The following MAMDC2 variants were observed in gnomAD, a reference collection of about 807,000 sequenced individuals.
MAMDC2 encodes the protein MAM domain containing 2.
In MAMDC2, 57 loss-of-function variants were observed where a neutral mutation model predicts 89.8. The observed-to-expected ratio is 0.63, with a 90% CI of 0.51 to 0.79. The LOEUF (loss-of-function observed/expected upper bound fraction) is 0.79. Ranked by LOEUF, MAMDC2 falls within the 30% of genes least tolerant of loss-of-function variation. The pLI is 0.00. For synonymous variants in MAMDC2, 313 were observed against 293.4 expected, an observed-to-expected ratio of 1.07 and a Z score of -0.68; for missense variants, 800 against 820.6, an observed-to-expected ratio of 0.97 and a Z score of 0.31.
At chr9:70,130,071 C>A (rs1350502120) in intron 6 of MAMDC2, among the ~76,000 whole-genome samples, 2 of 148,554 alleles carry the variant, frequency 1.3e-5, no homozygotes, top group Non-Finnish European at 1.5e-5. Context: ...CAAATTTCTC[C>A]TTTTTATAAG....
chr9:70,150,331 G>C (rs572118110), intron 9 of MAMDC2, among the ~76,000 whole-genome samples: 14 of 152,310 alleles, frequency 9.2e-5, no homozygotes, highest in African/African-American at 3.4e-4. Context: ...ATTGGCTGTT[G>C]TGGGTGGTTT....
intron 11 of MAMDC2, chr9:70,216,520 T>A (rs1238209571): frequency 6.6e-6 from 1 of 152,212 alleles, no homozygotes; most frequent in Non-Finnish European, 1.5e-5. Context: ...CTAGCCCTAA[T>A]TAGCTCCCCA....
At chr9:70,049,958 C>A (rs968175288) in intron 2 of MAMDC2, among the ~76,000 whole-genome samples, 1 of 152,166 alleles carries the variant, frequency 6.6e-6, no homozygotes, top group African/African-American at 2.4e-5. Context: ...ATTGCCTCAG[C>A]TCCTTGGCTC....
Position 70,206,629 on chromosome 9 carries a change from CTTTT to C in MAMDC2, c.1652-11704_1652-11701del, listed in dbSNP as rs776157260. ...GTTTCATATTTTTTTTGGTATATAT[CTTTT>C]TTTATTATTATTATACTTTAAGTTC... On this transcript the variant is annotated intron_variant, in intron 11 of 13. Transcript: ENST00000377182. 3.2e-4 allele frequency among the ~76,000 whole-genome samples: 48 copies of C among 152,026 alleles called. 1 individual carries two copies. The highest frequency in any genetic ancestry group is 1.1e-3 in the African/African-American group (47 of 41,474).
chr9:70,106,609 A>G (rs760622876), intron 2 of MAMDC2, among the ~76,000 whole-genome samples: 1 of 152,228 alleles, frequency 6.6e-6, no homozygotes, highest in Non-Finnish European at 1.5e-5. Context: ...CACTTAGAAC[A>G]GCACTTGGGC....
rs146551345 is a variant in MAMDC2 at position 70,198,443 on chromosome 9, G to T, written c.1652-19894G>T. On this transcript the variant is annotated intron_variant, in intron 11 of 13. Coordinates refer to ENST00000377182, the MANE Select transcript of MAMDC2 (RefSeq NM_153267.5). ...CTGTCAGAATTCCTTGTAAACATTA[G>T]TTTTAGTTGACCTGGAGTTTACAGG... Among the ~76,000 whole-genome samples, 393 of 152,060 alleles carry T rather than the reference G, an allele frequency of 2.6e-3. 1 individual carries two copies. The highest frequency in any genetic ancestry group is 8.7e-3 in the African/African-American group (361 of 41,484).
At chr9:70,208,797 T>C (rs1270529586) in intron 11 of MAMDC2, among the ~76,000 whole-genome samples, 1 of 152,204 alleles carries the variant, frequency 6.6e-6, no homozygotes, top group African/African-American at 2.4e-5. Flanking sequence ...TATTTTGAGA[T>C]ATGTCCCATC....
chr9:70,219,645 A>G (rs2033520559), intron 12 of MAMDC2, among the ~76,000 whole-genome samples: 1 of 152,236 alleles, frequency 6.6e-6, no homozygotes, highest in Non-Finnish European at 1.5e-5. Context: ...TAAAGAGCAA[A>G]TGACAGGGAA....
chr9:70,159,161 T>C (rs1263393681), intron 9 of MAMDC2, among the ~76,000 whole-genome samples: 2 of 152,026 alleles, frequency 1.3e-5, no homozygotes, highest in African/African-American at 4.8e-5. Flanking sequence ...ATTGGCACAA[T>C]GTTTTAATAA....
intron 11 of MAMDC2, among the ~76,000 whole-genome samples, chr9:70,195,685 C>A (rs1025597267): frequency 7.2e-5 from 11 of 151,954 alleles, no homozygotes; most frequent in African/African-American, 2.2e-4. Flanking sequence ...ACTTAATAGC[C>A]ATCTCCATTA....
At chr9:70,050,551 A>T (rs924730223) in intron 2 of MAMDC2, among the ~76,000 whole-genome samples, 1 of 152,230 alleles carries the variant, frequency 6.6e-6, no homozygotes, top group Non-Finnish European at 1.5e-5. Context: ...TACCTATCAC[A>T]TGAGATTGTT....
At chr9:70,088,371 G>A (rs1183926267) in intron 2 of MAMDC2, 1 of 152,064 alleles carries the variant, frequency 6.6e-6, no homozygotes, top group Non-Finnish European at 1.5e-5. Flanking sequence ...TTCAACTAGA[G>A]GTATTTTAGG....
chr9:70,117,607 T>A (rs1386874967), intron 5 of MAMDC2, among the ~76,000 whole-genome samples: 1 of 151,986 alleles, frequency 6.6e-6, no homozygotes, highest in African/African-American at 2.4e-5. Flanking sequence ...AAAGTATAAT[T>A]TTAAAAAAAT....
At chr9:70,054,172 A>G (rs1320878041) in intron 2 of MAMDC2, among the ~76,000 whole-genome samples, 1 of 152,194 alleles carries the variant, frequency 6.6e-6, no homozygotes. Context: ...TCTAAAGATC[A>G]GGTATAGTCT....
intron 6 of MAMDC2, among the ~76,000 whole-genome samples, chr9:70,127,861 C>T (rs921006235): frequency 1.1e-4 from 17 of 152,122 alleles, no homozygotes; most frequent in African/African-American, 3.9e-4. Context: ...AAAAGTTTCC[C>T]GTCAAAGTCA....
intron 2 of MAMDC2, among the ~76,000 whole-genome samples, chr9:70,047,766 C>A (rs1563930453): frequency 6.6e-6 from 1 of 152,172 alleles, no homozygotes; most frequent in African/African-American, 2.4e-5. Flanking sequence ...GGACACAAAT[C>A]TGCGAACTGG....
chr9:70,068,553 C>T (rs1483950707), intron 2 of MAMDC2, among the ~76,000 whole-genome samples: 1 of 151,926 alleles, frequency 6.6e-6, no homozygotes, highest in African/African-American at 2.4e-5. Flanking sequence ...CCCATCTCTA[C>T]TAAAAATACA....
At position 70,046,055 on chromosome 9, in the gene MAMDC2, G is replaced by A. The variant is rs933606555; in HGVS notation, c.148+1358G>A. On this transcript the variant is annotated intron_variant, in intron 2 of 13. Coordinates refer to ENST00000377182, the MANE Select transcript of MAMDC2 (RefSeq NM_153267.5). ...TATACTGGCTGTATGGAAGCATTGC[G>A]GGAGATGGCCTTAGAAATGCCACGA... is the stretch of plus-strand genomic sequence containing the variant. 7.9e-5 allele frequency among the ~76,000 whole-genome samples: 12 copies of A among 152,280 alleles called. No homozygotes were observed. The East Asian group carries it at 1.2e-3, about 15-fold the overall frequency.
intron 2 of MAMDC2, among the ~76,000 whole-genome samples, chr9:70,060,015 C>A (rs930997548): frequency 6.6e-6 from 1 of 152,196 alleles, no homozygotes; most frequent in Non-Finnish European, 1.5e-5. Flanking sequence ...CTCTCCTGAG[C>A]TAAGATCGAC....
Sources: gnomAD v4.1 joint callset for allele counts (sites outside exome capture counted in the v4.1 genomes callset) on GRCh38, gnomAD v4.1.1 for gene constraint, MANE v1.5 for transcripts, NCBI Gene and HGNC (gene_info 2026-07-23, HGNC 2026-07-21) for gene names.